ART5: variants seen among roughly 807,000 people sequenced by gnomAD.
The protein encoded by ART5 is ADP-ribosyltransferase 5.
A neutral mutation model predicts 25.0 loss-of-function variants in ART5; 22 were observed. The observed-to-expected ratio is 0.88, with a 90% CI of 0.63 to 1.26. ART5 has a LOEUF of 1.26. ART5 is among the 50% of genes most tolerant of loss of function. The pLI is 0.00. For synonymous variants in ART5, 161 were observed against 154.8 expected (o/e 1.04, Z -0.30); for missense variants, 402 against 372.8 (o/e 1.08, Z -0.64).
chr11:3,641,992 T>G lies in ART5; in HGVS notation c.-130A>C. The G allele has an allele frequency of 1.5e-6, 2 of 1,373,168 alleles. No individual in the cohort carries two copies. The highest frequency in any genetic ancestry group is 1.9e-6 in the Non-Finnish European group (2 of 1,058,516). 85.1% of individuals were successfully genotyped at this position (1,373,168 alleles called of 1,614,324 possible). A position where few individuals can be genotyped will look rare whatever the true frequency, so the allele number is the denominator to read the frequency against. ...GCGCACGGGATCCCGGGTCCAGGAT[T>G]AGGGCCCCGGCGGGGCGTGGGCGGG... On this transcript the variant is annotated 5_prime_UTR_variant, in exon 1 of 4. Coordinates refer to ENST00000397068, the MANE Select transcript of ART5 (RefSeq NM_053017.5).
At chr11:3,642,379 C>T (rs541074139), upstream of ART5, 2 of 735,694 alleles carry the variant, frequency 2.7e-6, no homozygotes, top group Non-Finnish European at 3.3e-6. Context: ...GACTGAGGAG[C>T]AATTCCCTTT....
In ART5 at chr11:3,639,627, C is replaced by G; in HGVS notation, c.787+15G>C. The G allele has an allele frequency of 2.5e-6, 4 of 1,600,672 alleles. No homozygotes were observed. Among genetic ancestry groups the G allele is most frequent in the Non-Finnish European group, 3.4e-6 (4 of 1,173,734 alleles). On this transcript the variant is annotated intron_variant, in intron 2 of 3. Coordinates refer to ENST00000397068, the MANE Select transcript of ART5 (RefSeq NM_053017.5). ...ACCCACACTGCCAGTCCTGCTTCCCCCATGCACAGCTTACCACCCAGATAG... is the reference window on the plus strand; with the variant it reads ...ACCCACACTGCCAGTCCTGCTTCCCGCATGCACAGCTTACCACCCAGATAG...
Position 3,640,274 on chromosome 11 carries a change from G to A in ART5, c.155C>T (p.Pro52Leu), listed in dbSNP as rs2077375615. ...CAEEMEEKAA[P>L]LLKEEMAHHA... is the part of the protein sequence containing the mutation. Reference sequence around the variant, plus strand: ...GTGGGCCATTTCCTCCTTTAGCAGGGGGGCTGCCTTCTCCTCCATCTCCTC... The same window carrying A: ...GTGGGCCATTTCCTCCTTTAGCAGGAGGGCTGCCTTCTCCTCCATCTCCTC... Residue 52 changes from proline (P) to leucine (L), a missense_variant, in exon 2 of 4, where the codon CCC becomes CTC. By Grantham distance (98) the Pro-to-Leu change is moderately conservative. Transcript: ENST00000397068. The A allele has an allele frequency of 1.2e-6, 2 of 1,613,534 alleles. 1 individual carries two copies. Among genetic ancestry groups the A allele is most frequent in the Middle Eastern group, 3.3e-4 (2 of 6,062 alleles).
In ART5 at chr11:3,641,897, G is replaced by A. The variant is rs1431570824; in HGVS notation, c.-35C>T. ...AGACGTGAGGGCCAGGGGTCCGGGTGAGGGCGGGACCAGAGGTGCTGGAGT... is the reference window on the plus strand; with the variant it reads ...AGACGTGAGGGCCAGGGGTCCGGGTAAGGGCGGGACCAGAGGTGCTGGAGT... On this transcript the variant is annotated 5_prime_UTR_variant, in exon 1 of 4. Transcript: ENST00000397068. 6 of 1,555,262 alleles carry A rather than the reference G, an allele frequency of 3.9e-6. No homozygotes were observed. The highest frequency in any genetic ancestry group is 5.2e-6 in the Non-Finnish European group (6 of 1,150,850).
chr11:3,638,847 C>G, intron 3 of ART5, 54 bp from the exon 4 acceptor site: 1 of 1,614,134 alleles, frequency 6.2e-7, no homozygotes, highest in Non-Finnish European at 8.5e-7. Flanking sequence ...CTGGAACTCT[C>G]CAGGGGCCAA....
intron 1 of ART5, 36 bp downstream of exon 1, chr11:3,641,770 T>C (rs1345416076): frequency 6.4e-7 from 1 of 1,560,850 alleles, no homozygotes. Context: ...TCCCTTAATG[T>C]CCCCCTTGGG....
Position 3,641,829 on chromosome 11 carries a change from T to G in ART5, c.34A>C (p.Ser12Arg). The change falls in exon 1 of 4, where the codon AGC becomes CGC. Residue 12 changes from serine (S) to arginine (R), a missense_variant. By Grantham distance (110) the Ser-to-Arg change is moderately radical. Coordinates refer to ENST00000397068, the MANE Select transcript of ART5 (RefSeq NM_053017.5). Reference protein sequence around the residue: ...ALAALMIALGSLGLHTWQAQA... With the variant: ...ALAALMIALGRLGLHTWQAQA... ...ACCTGCCAGGTGTGGAGGCCGAGGC[T>G]GCCGAGGGCGATCATCAAAGCCGCC... The G allele has an allele frequency of 6.3e-7, 1 of 1,578,928 alleles. No homozygotes were observed. Among genetic ancestry groups the G allele is most frequent in the Non-Finnish European group, 8.6e-7 (1 of 1,163,276 alleles).
rs1485778163 is a variant in ART5 at position 3,641,859 on chromosome 11, C to A, written c.4G>T (p.Ala2Ser). The part of the protein sequence containing the change: M[A>S]LAALMIALGS... ...AGGGCGATCATCAAAGCCGCCAGCGCCATCCCTGGAGGAGACGTGAGGGCC... is the reference window on the plus strand; with the variant it reads ...AGGGCGATCATCAAAGCCGCCAGCGACATCCCTGGAGGAGACGTGAGGGCC... Residue 2 changes from alanine (A) to serine (S), a missense_variant, in exon 1 of 4, where the codon GCG becomes TCG. Ala to Ser is a moderately conservative substitution (Grantham distance 99, BLOSUM62 1). Coordinates refer to ENST00000397068, the MANE Select transcript of ART5 (RefSeq NM_053017.5). The A allele has an allele frequency of 2.5e-6, 4 of 1,572,000 alleles. No homozygotes were observed. Among genetic ancestry groups the A allele is most frequent in the Non-Finnish European group, 2.6e-6 (3 of 1,159,266 alleles).
Position 3,641,789 on chromosome 11 carries a change from A to G in ART5, c.57+17T>C, listed in dbSNP as rs752230287. ...TTAATGTCCCCCTTGGGGCTAGGAGATGGTTCCTGGAGTTACCTGCCAGGT... is the reference window on the plus strand; with the variant it reads ...TTAATGTCCCCCTTGGGGCTAGGAGGTGGTTCCTGGAGTTACCTGCCAGGT... On this transcript the variant is annotated intron_variant, in intron 1 of 3. Coordinates refer to ENST00000397068, the MANE Select transcript of ART5 (RefSeq NM_053017.5). 8.3e-6 allele frequency: 13 copies of G among 1,571,078 alleles called. No homozygotes were observed. The highest frequency in any genetic ancestry group is 1.1e-5 in the Non-Finnish European group (13 of 1,157,796).
chr11:3,638,609 T>G lies in ART5; in HGVS notation c.*129A>C. On this transcript the variant is annotated 3_prime_UTR_variant, in exon 4 of 4. Coordinates refer to ENST00000397068, the MANE Select transcript of ART5 (RefSeq NM_053017.5). Reference sequence around the variant, plus strand: ...CAATCAAGTGGCTGCCTCAGTACTTTCCTTGCTTGTCCCAGGAAGTCCCCA... The same window carrying G: ...CAATCAAGTGGCTGCCTCAGTACTTGCCTTGCTTGTCCCAGGAAGTCCCCA... 5 of 1,176,160 alleles carry G rather than the reference T, an allele frequency of 4.3e-6. No individual in the cohort carries two copies. The South Asian group carries it at 6.5e-5, about 15-fold the overall frequency. The allele number at this position is 1,176,160 out of a possible 1,614,324, so 72.9% of individuals were successfully genotyped here.
In ART5 at chr11:3,638,734, C is replaced by T. The variant is rs777665289; in HGVS notation, c.*4G>A. ...GGCTGGGTCCGGAACCATGTTCTTG[C>T]TTCTCAAGGCTGCTGGAGGTGCCTC... On this transcript the variant is annotated 3_prime_UTR_variant, in exon 4 of 4. Transcript: ENST00000397068. 1.2e-5 allele frequency: 19 copies of T among 1,614,054 alleles called. 1 individual carries two copies. The Admixed American group carries it at 2.7e-4, about 23-fold the overall frequency.
Position 3,640,453 on chromosome 11 carries a change from G to T in ART5, c.58-82C>A, listed in dbSNP as rs2077379688. 10 of 1,449,192 alleles carry T rather than the reference G, an allele frequency of 6.9e-6. No individual in the cohort carries two copies. The South Asian group carries it at 1.4e-4, about 21-fold the overall frequency. The allele number at this position is 1,449,192 out of a possible 1,614,324, so 89.8% of individuals were successfully genotyped here. ...TGGGTCCTGGGGGCAAACCCATCCA[G>T]AAACACAGAATCTCATTTCTATCCC... is the stretch of plus-strand genomic sequence containing the variant. On this transcript the variant is annotated intron_variant, in intron 1 of 3. Coordinates refer to ENST00000397068, the MANE Select transcript of ART5 (RefSeq NM_053017.5).
chr11:3,638,697 G>C lies in ART5; in HGVS notation c.*41C>G. On this transcript the variant is annotated 3_prime_UTR_variant, in exon 4 of 4. Coordinates refer to ENST00000397068, the MANE Select transcript of ART5 (RefSeq NM_053017.5). Reference sequence around the variant, plus strand: ...CCCAGGCCAACATCCTGGTTGGGGAGAAGGCTGCTAGGGCTGGGTCCGGAA... The same window carrying C: ...CCCAGGCCAACATCCTGGTTGGGGACAAGGCTGCTAGGGCTGGGTCCGGAA... The C allele has an allele frequency of 6.2e-7, 1 of 1,613,412 alleles. No individual in the cohort carries two copies. Among genetic ancestry groups the C allele is most frequent in the Non-Finnish European group, 8.5e-7 (1 of 1,179,380 alleles).
Position 3,639,892 on chromosome 11 carries a change from G to T in ART5, c.537C>A (p.Gly179=). The T allele has an allele frequency of 6.2e-7, 1 of 1,614,162 alleles. No homozygotes were observed. Among genetic ancestry groups the T allele is most frequent in the Non-Finnish European group, 8.5e-7 (1 of 1,180,022 alleles). Residue 179 remains glycine, a synonymous_variant, in exon 2 of 4, where the codon GGC becomes GGA. Coordinates refer to ENST00000397068, the MANE Select transcript of ART5 (RefSeq NM_053017.5). ...TATCCAGGGAGCTGGAGGCAAACTG[G>T]CCCAAGCGGACAGAGTCTCCCAGCC... ...PKRLGDSVRL[G]QFASSSLDKA...
chr11:3,638,960 G>A (rs746170500), intron 3 of ART5, 43 bp downstream of exon 3: 37 of 1,566,574 alleles, frequency 2.4e-5, no homozygotes, highest in Non-Finnish European at 2.4e-5. Flanking sequence ...AGCAGGGTGA[G>A]GGGGAGTCAA....
chr11:3,639,749 T>C lies in ART5; in HGVS notation c.680A>G (p.His227Arg). 4 of 1,613,882 alleles carry C rather than the reference T, an allele frequency of 2.5e-6. No individual in the cohort carries two copies. The highest frequency in any genetic ancestry group is 3.4e-6 in the Non-Finnish European group (4 of 1,179,968). Residue 227 changes from histidine (H) to arginine (R), a missense_variant, in exon 2 of 4, where the codon CAT (histidine) becomes CGT (arginine). His to Arg is a conservative substitution (Grantham distance 29, BLOSUM62 0). Transcript: ENST00000397068. ...GAATCTGGTAACCAAAAAGACTTCATGGGGGGGAATCAGCACCTCGCGCTC... is the reference window on the plus strand; with the variant it reads ...GAATCTGGTAACCAAAAAGACTTCACGGGGGGGAATCAGCACCTCGCGCTC... ...PKEREVLIPP[H>R]EVFLVTRFSQ...
rs143088148 is a variant in ART5 at position 3,639,909 on chromosome 11, C to G, written c.520G>C (p.Asp174His). 1 of 1,614,156 alleles carries G rather than the reference C, an allele frequency of 6.2e-7. No individual in the cohort carries two copies. Among genetic ancestry groups the G allele is most frequent in the Non-Finnish European group, 8.5e-7 (1 of 1,180,018 alleles). ...GCAAACTGGCCCAAGCGGACAGAGT[C>G]TCCCAGCCTCTTGGGTTCAAAGCGA... ...SLRFEPKRLG[D>H]SVRLGQFASS... The change falls in exon 2 of 4, where the codon GAC (aspartate) becomes CAC (histidine). Residue 174 changes from aspartate to histidine, a missense_variant. Asp to His is a moderately conservative substitution (Grantham distance 81, BLOSUM62 -1). Transcript: ENST00000397068.
At chr11:3,641,200 A>G (rs1398175706) in intron 1 of ART5, among the ~76,000 whole-genome samples, 3 of 152,212 alleles carry the variant, frequency 2.0e-5, no homozygotes, top group Admixed American at 1.3e-4. Flanking sequence ...GTCATTAGAA[A>G]GGTTCTTGCA....
At chr11:3,642,088 C>T, upstream of ART5, 2 of 1,406,374 alleles carry the variant, frequency 1.4e-6, no homozygotes, top group African/African-American at 1.4e-5. Context: ...TTCCTCAGAG[C>T]CTCCAGTCTG....
Sources: allele counts gnomAD v4.1 joint callset (sites outside exome capture counted in the v4.1 genomes callset), GRCh38; gene constraint gnomAD v4.1.1; transcripts MANE v1.5; gene names NCBI Gene and HGNC (gene_info 2026-07-23, HGNC 2026-07-21).